The following ANKRD31 variants were observed in gnomAD, a reference collection of about 807,000 sequenced individuals.
ANKRD31 encodes ankyrin repeat domain-containing protein 31.
A neutral mutation model predicts 186.0 loss-of-function variants in ANKRD31; 147 were observed. The ratio of observed to expected loss-of-function variants is 0.79; its 90% CI spans 0.69 to 0.91. The LOEUF is 0.91. Ranked by LOEUF, ANKRD31 falls within the 40% of genes least tolerant of loss-of-function variation. The probability of loss-of-function intolerance (pLI) is 0.00; values close to 1 mark genes in which losing one functional copy is unlikely to be tolerated. For synonymous variants in ANKRD31, 673 were observed against 736.4 expected (o/e 0.91, Z 1.39); for missense variants, 1,986 against 2,148.8 (o/e 0.92, Z 1.50).
intron 15 of ANKRD31, among the ~76,000 whole-genome samples, chr5:75,141,328 G>A (rs1477933): frequency 0.51 from 77,180 of 151,932 alleles, 22,667 homozygotes; most frequent in African/African-American, 0.82. Flanking sequence ...TGGAAGAATT[G>A]AAAACTTATG....
intron 10 of ANKRD31, among the ~76,000 whole-genome samples, chr5:75,170,129 G>T (rs1753211081): frequency 6.6e-6 from 1 of 152,050 alleles, no homozygotes; most frequent in Non-Finnish European, 1.5e-5. Flanking sequence ...TAAAGCAAAA[G>T]TTATAAAATT....
At position 75,112,775 on chromosome 5, in the gene ANKRD31, G is replaced by C. The variant is rs150382008; in HGVS notation, c.4156-175C>G. Among the ~76,000 whole-genome samples the C allele has an allele frequency of 4.8e-3, 728 of 152,254 alleles. 12 individuals are homozygous for C. Among genetic ancestry groups the C allele is most frequent in the African/African-American group, 0.017 (698 of 41,560 alleles). ...GTATAAGCTTAACTGTATAAATGTT[G>C]CAGATTTGAACAAAAGCAAACAAAT... On this transcript the variant is annotated intron_variant, in intron 19 of 25. Transcript: ENST00000506364.
intron 20 of ANKRD31, among the ~76,000 whole-genome samples, chr5:75,110,269 A>T (rs1747663314): frequency 6.6e-6 from 1 of 152,238 alleles, no homozygotes; most frequent in African/African-American, 2.4e-5. Context: ...ACTAACACAC[A>T]TTGCAAAGAA....
chr5:75,155,353 G>C (rs2059159), intron 11 of ANKRD31, among the ~76,000 whole-genome samples: 77,176 of 151,816 alleles, frequency 0.51, 22,663 homozygotes, highest in African/African-American at 0.82. Context: ...ATTTTGCCTT[G>C]TTTCCTCCAC....
chr5:75,223,033 T>A (rs1757400950), intron 2 of ANKRD31, among the ~76,000 whole-genome samples: 1 of 152,204 alleles, frequency 6.6e-6, no homozygotes, highest in Non-Finnish European at 1.5e-5. Flanking sequence ...TCTTCCACAA[T>A]GGTTGAACTA....
At chr5:75,225,957 T>C (rs1002992963) in intron 2 of ANKRD31, among the ~76,000 whole-genome samples, 35 of 152,250 alleles carry the variant, frequency 2.3e-4, no homozygotes, top group African/African-American at 7.7e-4. Flanking sequence ...CCAGACCTGA[T>C]AGCATTCACC....
chr5:75,153,736 T>C (rs1397781511), intron 12 of ANKRD31, among the ~76,000 whole-genome samples: 8 of 152,162 alleles, frequency 5.3e-5, no homozygotes, highest in Non-Finnish European at 1.0e-4. Context: ...ATTTAAATTA[T>C]GTTTACATAA....
chr5:75,206,979 A>T (rs1449686352), intron 4 of ANKRD31, among the ~76,000 whole-genome samples: 1 of 152,226 alleles, frequency 6.6e-6, no homozygotes, highest in East Asian at 1.9e-4. Context: ...GGAGGAAGTT[A>T]AAAGCAAAAT....
At chr5:75,134,341 G>A (rs2939666) in intron 17 of ANKRD31, among the ~76,000 whole-genome samples, 1 of 152,206 alleles carries the variant, frequency 6.6e-6, no homozygotes, top group East Asian at 1.9e-4. Flanking sequence ...TATCACCACC[G>A]ATTCCACAGA....
At chr5:75,226,287 T>C (rs1757625506) in intron 2 of ANKRD31, among the ~76,000 whole-genome samples, 1 of 152,182 alleles carries the variant, frequency 6.6e-6, no homozygotes, top group African/African-American at 2.4e-5. Flanking sequence ...TACCTGCTGA[T>C]TGTAGAGCTG....
intron 2 of ANKRD31, 30 bp downstream of exon 2, chr5:75,230,532 G>A (rs1396481196): frequency 2.0e-6 from 3 of 1,494,394 alleles, no homozygotes; most frequent in Non-Finnish European, 2.7e-6. Context: ...GAAACTAAAG[G>A]GACTACTTAA....
At position 75,196,157 on chromosome 5, in the gene ANKRD31, G is replaced by T; in HGVS notation, c.491C>A (p.Ser164Ter). The change falls in exon 7 of 26, where the codon TCA (serine) becomes TAA (stop). Residue 164 changes from serine (S) to a stop codon, truncating the protein, a stop_gained. Transcript: ENST00000506364. LOFTEE classifies it high-confidence loss of function. ...ATCAGATACTGTAATAGCAGTGCCT[G>T]AGAGAAGGCTAACTTCAGGAGAATC... ...GRDSPEVSLL[S>*]GTAITVSDTV... 1 of 1,504,976 alleles carries T rather than the reference G, an allele frequency of 6.6e-7. No individual in the cohort carries two copies. The allele number at this position is 1,504,976 out of a possible 1,614,324, so 93.2% of individuals were successfully genotyped here.
At chr5:75,076,170 A>G (rs1468480387) in intron 25 of ANKRD31, among the ~76,000 whole-genome samples, 1 of 152,136 alleles carries the variant, frequency 6.6e-6, no homozygotes, top group Non-Finnish European at 1.5e-5. Context: ...CTACAATTCA[A>G]TTTAATTCTG....
intron 11 of ANKRD31, among the ~76,000 whole-genome samples, chr5:75,162,686 A>G (rs904243660): frequency 6.6e-6 from 1 of 152,092 alleles, no homozygotes; most frequent in Non-Finnish European, 1.5e-5. Context: ...CATAATTCCC[A>G]TGTGCTGTGG....
chr5:75,195,886 T>C lies in ANKRD31; in HGVS notation c.762A>G (p.Pro254=). 4 of 1,491,216 alleles carry C rather than the reference T, an allele frequency of 2.7e-6. No homozygotes were observed. Among genetic ancestry groups the C allele is most frequent in the Non-Finnish European group, 3.5e-6 (4 of 1,137,832 alleles). 92.4% of individuals were successfully genotyped at this position (1,491,216 alleles called of 1,614,324 possible). A position where few individuals can be genotyped will look rare whatever the true frequency, so the allele number is the denominator to read the frequency against. ...SDFDRKELMN[P]LSDSLSSISI... ...ATATGGAACTAAGAGAGTCACTCAA[T>C]GGGTTCATCAATTCTTTACGATCAA... Residue 254 remains proline (P), a synonymous_variant, in exon 7 of 26, where the codon CCA becomes CCG. Coordinates refer to ENST00000506364, the MANE Select transcript of ANKRD31 (RefSeq NM_001372053.1).
chr5:75,148,748 A>T, intron 12 of ANKRD31, 120 bp from the exon 13 acceptor site: 1 of 606,168 alleles, frequency 1.6e-6, no homozygotes, highest in South Asian at 2.9e-5. Flanking sequence ...TTATGCAAAC[A>T]TTTTATATTA....
At chr5:75,173,207 T>A (rs1345195461) in intron 10 of ANKRD31, among the ~76,000 whole-genome samples, 1 of 152,158 alleles carries the variant, frequency 6.6e-6, no homozygotes, top group Non-Finnish European at 1.5e-5. Flanking sequence ...CTAAAAACTC[T>A]CAATAAACTA....
rs539499320 is a variant in ANKRD31, at chr5:75,222,275, C to T, written c.262G>A (p.Val88Ile). 5.9e-6 allele frequency: 9 copies of T among 1,536,120 alleles called. No individual in the cohort carries two copies. The highest frequency in any genetic ancestry group is 7.9e-6 in the Non-Finnish European group (9 of 1,146,104). The change falls in exon 3 of 26, where the codon GTT becomes ATT. Residue 88 changes from valine (V) to isoleucine (I), a missense_variant. Val to Ile is a conservative substitution (Grantham distance 29). Transcript: ENST00000506364. ...TGTAATATTGTATCCTCGCTAAGAA[C>T]AGGCATCATCTTATTTTTATTCATT... Reference protein sequence around the residue: ...EQMNKNKMMPVLSEDTILQSQ... With the variant: ...EQMNKNKMMPILSEDTILQSQ...
chr5:75,132,283 G>A (rs529329146), intron 17 of ANKRD31, among the ~76,000 whole-genome samples: 4 of 152,128 alleles, frequency 2.6e-5, no homozygotes, highest in African/African-American at 4.8e-5. Flanking sequence ...AAGATTAGAC[G>A]AATGGCTAAC....
Sources: allele counts gnomAD v4.1 joint callset (sites outside exome capture counted in the v4.1 genomes callset), GRCh38; gene constraint gnomAD v4.1.1; transcripts MANE v1.5; gene names NCBI Gene and HGNC (gene_info 2026-07-23, HGNC 2026-07-21).